Variants in SMIM31 observed in about 807,000 individuals in gnomAD.
SMIM31 encodes human epithelial cell program regulator.
At chr4:164,765,331 G>T (rs1213936042) in intron 1 of SMIM31, among the ~76,000 whole-genome samples, 1 of 152,200 alleles carries the variant, frequency 6.6e-6, no homozygotes. Context: ...AGTACTTGGT[G>T]TCAGGGAGTA....
At chr4:164,782,173 C>A (rs974736091) in intron 2 of SMIM31, among the ~76,000 whole-genome samples, 3 of 151,614 alleles carry the variant, frequency 2.0e-5, no homozygotes, top group African/African-American at 4.8e-5. Flanking sequence ...GCCTGTAATC[C>A]CAGCTGCTGG....
chr4:164,762,811 G>A lies in SMIM31; in HGVS notation c.-25-7608G>A, dbSNP rs555657755. 5.2e-4 allele frequency among the ~76,000 whole-genome samples: 79 copies of A among 152,142 alleles called. No homozygotes were observed. The South Asian group carries it at 0.015, about 29-fold the overall frequency. On this transcript the variant is annotated intron_variant, in intron 1 of 2. Transcript: ENST00000507311. Reference sequence around the variant, plus strand: ...CTTCATCTATCATATTGAAAGCATCGGAGCTACACAGTTGTGGGTGAGTTT... The same window carrying A: ...CTTCATCTATCATATTGAAAGCATCAGAGCTACACAGTTGTGGGTGAGTTT...
chr4:164,755,534 AGGAGAGGAGGGGAGGGGAGG>A (rs1732548048), intron 1 of SMIM31, among the ~76,000 whole-genome samples: 3 of 25,800 alleles, frequency 1.2e-4, no homozygotes, highest in East Asian at 1.5e-3. Flanking sequence ...AGGGAGGGAG[AGGAGAGGAGGGGAGGGGAGG>A]GGAGGGGAGG....
Position 164,770,595 on chromosome 4 carries a change from T to C in SMIM31, c.112+40T>C, listed in dbSNP as rs572936799. The C allele has an allele frequency of 4.5e-5, 18 of 398,818 alleles. No homozygotes were observed. The South Asian group carries it at 2.3e-3, about 51-fold the overall frequency. The allele number at this position is 398,818 out of a possible 1,614,324, so 24.7% of individuals were successfully genotyped here. A position where few individuals can be genotyped will look rare whatever the true frequency, so the allele number is the denominator to read the frequency against. On this transcript the variant is annotated intron_variant, in intron 2 of 2. Coordinates refer to ENST00000507311, the MANE Select transcript of SMIM31 (RefSeq NM_001352885.1). ...AAAGAACAAAGCTCTTTGTGGCTACTGTGTCCTTTTCCCTGCCTATCATCT... is the reference window on the plus strand; with the variant it reads ...AAAGAACAAAGCTCTTTGTGGCTACCGTGTCCTTTTCCCTGCCTATCATCT...
At chr4:164,757,301 T>C (rs1386136235) in intron 1 of SMIM31, among the ~76,000 whole-genome samples, 2 of 152,234 alleles carry the variant, frequency 1.3e-5, no homozygotes, top group African/African-American at 4.8e-5. Context: ...TTCATAAGTA[T>C]GTATTGCTGA....
rs35220807 is a variant in SMIM31 at position 164,785,245 on chromosome 4, TAA to T, written c.112+14699_112+14700del. On this transcript the variant is annotated intron_variant, in intron 2 of 2. Coordinates refer to ENST00000507311, the MANE Select transcript of SMIM31 (RefSeq NM_001352885.1). The stretch of plus-strand genomic sequence containing the variant: ...CTCAAAAAAATAAATAAATAAAAAA[TAA>T]AAAAAAAATCTTGTAACATTTACTA... Among the ~76,000 whole-genome samples, 230 of 150,938 alleles carry T rather than the reference TAA, an allele frequency of 1.5e-3. 2 individuals are homozygous for T. The highest frequency in any genetic ancestry group is 5.5e-3 in the African/African-American group (225 of 41,246).
intron 2 of SMIM31, among the ~76,000 whole-genome samples, chr4:164,786,754 C>T (rs1022246406): frequency 6.6e-5 from 10 of 152,324 alleles, no homozygotes; most frequent in East Asian, 5.8e-4. Context: ...TCCCAAAGGA[C>T]GTTGTCACTG....
intron 1 of SMIM31, among the ~76,000 whole-genome samples, chr4:164,763,493 A>C (rs1204399772): frequency 6.6e-6 from 1 of 152,206 alleles, no homozygotes; most frequent in Non-Finnish European, 1.5e-5. Context: ...AAAGAAAAAA[A>C]CTTTTTAAAG....
chr4:164,785,669 T>C (rs1733017720), intron 2 of SMIM31, among the ~76,000 whole-genome samples: 1 of 151,914 alleles, frequency 6.6e-6, no homozygotes, highest in Non-Finnish European at 1.5e-5. Context: ...TATATATATC[T>C]TTAACCTTAA....
At chr4:164,773,832 C>T (rs1334269783) in intron 2 of SMIM31, among the ~76,000 whole-genome samples, 2 of 152,096 alleles carry the variant, frequency 1.3e-5, no homozygotes, top group East Asian at 1.9e-4. Flanking sequence ...GAGTCTTCTT[C>T]TTGGGAGTCT....
In SMIM31 at chr4:164,758,836, T is replaced by A. The variant is rs1197176480; in HGVS notation, c.-26+4425T>A. On this transcript the variant is annotated intron_variant, in intron 1 of 2. Transcript: ENST00000507311. Reference sequence around the variant, plus strand: ...TTTTTTTTTTTTTTTTTTTTTTTTTTTTTTTGTATTTTTAGTAGAGACTGG... The same window carrying A: ...TTTTTTTTTTTTTTTTTTTTTTTTTATTTTTGTATTTTTAGTAGAGACTGG... Among the ~76,000 whole-genome samples, 162 of 92,854 alleles carry A rather than the reference T, an allele frequency of 1.7e-3. 2 individuals carry two copies. The highest frequency in any genetic ancestry group is 6.9e-3 in the African/African-American group (157 of 22,890). The allele number at this position is 92,854 out of a possible 152,430, so 60.9% of individuals were successfully genotyped here.
At chr4:164,785,711 T>C (rs1046779715) in intron 2 of SMIM31, among the ~76,000 whole-genome samples, 3 of 151,792 alleles carry the variant, frequency 2.0e-5, no homozygotes, top group African/African-American at 7.3e-5. Context: ...GCAATGCATA[T>C]ATTTACATAA....
chr4:164,796,747 T>C (rs1025203714), intron 2 of SMIM31, among the ~76,000 whole-genome samples: 1 of 152,190 alleles, frequency 6.6e-6, no homozygotes. Flanking sequence ...AGCTTCAAAA[T>C]ACACCCAGAA....
chr4:164,778,230 A>C (rs533947641), intron 2 of SMIM31, among the ~76,000 whole-genome samples: 9 of 152,286 alleles, frequency 5.9e-5, no homozygotes, highest in African/African-American at 2.2e-4. Flanking sequence ...TCTATTTAAA[A>C]ATAAATAAAT....
intron 1 of SMIM31, among the ~76,000 whole-genome samples, chr4:164,760,803 T>C (rs1445814099): frequency 6.8e-6 from 1 of 148,112 alleles, no homozygotes; most frequent in Non-Finnish European, 1.5e-5. Context: ...GGATATGAAC[T>C]GTGAAAGAAA....
At chr4:164,771,528 G>A (rs763789087) in intron 2 of SMIM31, among the ~76,000 whole-genome samples, 82 of 152,154 alleles carry the variant, frequency 5.4e-4, no homozygotes, top group African/African-American at 8.9e-4. Flanking sequence ...CTTGCTGGGC[G>A]CGGTGACTCA....
chr4:164,799,925 T>C (rs1352305563), intron 2 of SMIM31, among the ~76,000 whole-genome samples: 1 of 152,228 alleles, frequency 6.6e-6, no homozygotes. Flanking sequence ...GGACAGTATG[T>C]GCAATCAAAG....
At chr4:164,786,538 A>C (rs1042982229) in intron 2 of SMIM31, among the ~76,000 whole-genome samples, 1 of 152,208 alleles carries the variant, frequency 6.6e-6, no homozygotes, top group Non-Finnish European at 1.5e-5. Flanking sequence ...TTTTGAAAAC[A>C]TATTTTAGCT....
chr4:164,786,181 G>A (rs571119829), intron 2 of SMIM31, among the ~76,000 whole-genome samples: 1 of 152,286 alleles, frequency 6.6e-6, no homozygotes, highest in South Asian at 2.1e-4. Context: ...CTTGGTTGAA[G>A]GATGTTTGCT....
Sources: gnomAD v4.1 joint callset for allele counts (sites outside exome capture counted in the v4.1 genomes callset) on GRCh38, gnomAD v4.1.1 for gene constraint, MANE v1.5 for transcripts, NCBI Gene and HGNC (gene_info 2026-07-23, HGNC 2026-07-21) for gene names.